PAFAH2: variants seen among roughly 807,000 people sequenced by gnomAD.
PAFAH2 encodes platelet activating factor acetylhydrolase 2.
PAFAH2 carries 42 observed loss-of-function variants against 49.0 expected under a neutral mutation model. That is an observed-to-expected ratio of 0.86 (90% CI 0.67 to 1.11). The LOEUF is 1.11. PAFAH2 is among the 50% of genes least tolerant of loss of function. The probability of loss-of-function intolerance (pLI) is 0.00; values close to 1 mark genes in which losing one functional copy is unlikely to be tolerated. For synonymous variants in PAFAH2, 184 were observed against 181.3 expected, an observed-to-expected ratio of 1.01 and a Z score of -0.12; for missense variants, 503 against 501.8, an observed-to-expected ratio of 1.00 and a Z score of -0.02.
In PAFAH2 at chr1:25,987,873, G is replaced by A. The variant is rs369985505; in HGVS notation, c.341+358C>T. Among the ~76,000 whole-genome samples, 7 of 152,138 alleles carry A rather than the reference G, an allele frequency of 4.6e-5. No homozygotes were observed. In the East Asian group the frequency reaches 1.3e-3, roughly 29 times the overall value. ...AGCCTGGGCAACAGAATGAGACCCT[G>A]TCTGAAAAAAATAAAAATAAAATAG... On this transcript the variant is annotated intron_variant, in intron 4 of 10. Transcript: ENST00000374282.
intron 1 of PAFAH2, 46 bp from the exon 2 acceptor site, chr1:25,990,909 C>G: frequency 1.0e-6 from 1 of 962,916 alleles, no homozygotes; most frequent in Non-Finnish European, 1.6e-6. Flanking sequence ...GGTTTCCTCT[C>G]GGCTTCCTGT....
chr1:25,974,652 T>C lies in PAFAH2; in HGVS notation c.759-2A>G. ...CAAGCATCCAGAGCCACCGCACACC[T>C]GGAATAGGACCAGACATTTGGAATT... On this transcript the variant is annotated splice_acceptor_variant, in intron 8 of 10. Coordinates refer to ENST00000374282, the MANE Select transcript of PAFAH2 (RefSeq NM_000437.4). LOFTEE classifies it high-confidence loss of function. 1 of 1,611,524 alleles carries C rather than the reference T, an allele frequency of 6.2e-7. No individual in the cohort carries two copies. The highest frequency in any genetic ancestry group is 1.1e-5 in the South Asian group (1 of 90,754).
intron 1 of PAFAH2, among the ~76,000 whole-genome samples, chr1:25,995,061 A>C (rs998865887): frequency 2.6e-5 from 4 of 152,190 alleles, no homozygotes; most frequent in African/African-American, 9.6e-5. Flanking sequence ...AAAGTCATGG[A>C]ATTTTCCAAG....
In PAFAH2 at chr1:25,984,454, C is replaced by T; in HGVS notation, c.410+6G>A. ...GGCACCCAATCCATGGCGGCTCATC[C>T]CTCACCTGTGCTCTGGCACAGCAAC... On this transcript the variant is annotated splice_donor_region_variant and intron_variant, in intron 5 of 10. Transcript: ENST00000374282. 6.2e-7 allele frequency: 1 copy of T among 1,611,772 alleles called. No individual in the cohort carries two copies. Among genetic ancestry groups the T allele is most frequent in the South Asian group, 1.1e-5 (1 of 90,880 alleles).
intron 2 of PAFAH2, 36 bp from the exon 3 acceptor site, chr1:25,989,637 G>A: frequency 6.9e-7 from 1 of 1,441,152 alleles, no homozygotes; most frequent in Non-Finnish European, 9.2e-7. Context: ...TCAGAGCAAG[G>A]AGCCCAGGCT....
At chr1:25,972,961 G>C (rs1436868801) in intron 9 of PAFAH2, among the ~76,000 whole-genome samples, 4 of 152,214 alleles carry the variant, frequency 2.6e-5, no homozygotes, top group African/African-American at 9.7e-5. Context: ...TTCAAAGCTG[G>C]CTTGACCCGT....
Position 25,961,866 on chromosome 1 carries a change from T to C in PAFAH2, c.*123A>G. On this transcript the variant is annotated 3_prime_UTR_variant, in exon 11 of 11. Transcript: ENST00000374282. ...CCAGTTATCCAAGCAGCAGTGTGAT[T>C]ACACCTTTCAATCTGTGAAAAGGGG... is the stretch of plus-strand genomic sequence containing the variant. 1 of 657,006 alleles carries C rather than the reference T, an allele frequency of 1.5e-6. No homozygotes were observed. Among genetic ancestry groups the C allele is most frequent in the East Asian group, 2.6e-5 (1 of 38,134 alleles). The allele number at this position is 657,006 out of a possible 1,614,324, so 40.7% of individuals were successfully genotyped here.
chr1:25,966,535 G>T (rs1028487645), intron 10 of PAFAH2, among the ~76,000 whole-genome samples: 10 of 152,240 alleles, frequency 6.6e-5, no homozygotes, highest in African/African-American at 2.4e-4. Context: ...ATGCTGTACC[G>T]AATGCTGTCA....
rs778716854 is a variant in PAFAH2, at chr1:25,972,590, C to T, written c.1052G>A (p.Arg351Gln). 17 of 1,613,826 alleles carry T rather than the reference C, an allele frequency of 1.1e-5. No individual in the cohort carries two copies. The highest frequency in any genetic ancestry group is 8.8e-5 in the South Asian group (8 of 91,080). Reference sequence around the variant, plus strand: ...CTTCTGCAGGAAGGCCAACATGGCCCGTACCATAACCTCCTGCCCTTCATA... The same window carrying T: ...CTTCTGCAGGAAGGCCAACATGGCCTGTACCATAACCTCCTGCCCTTCATA... ...DPYEGQEVMVRAMLAFLQKHL... is the reference protein window; with the variant it reads ...DPYEGQEVMVQAMLAFLQKHL... The change falls in exon 10 of 11, where the codon CGG becomes CAG. Residue 351 changes from arginine (R) to glutamine (Q), a missense_variant. Arg to Gln is a conservative substitution (Grantham distance 43). Transcript: ENST00000374282.
chr1:25,985,780 T>TC (rs1169448540), intron 4 of PAFAH2, among the ~76,000 whole-genome samples: 1 of 152,230 alleles, frequency 6.6e-6, no homozygotes, highest in African/African-American at 2.4e-5. Flanking sequence ...CCATATTTAC[T>TC]CTCCACTTCC....
intron 6 of PAFAH2, 85 bp from the exon 7 acceptor site, chr1:25,982,562 A>G (rs2049707643): frequency 2.9e-6 from 3 of 1,051,556 alleles, no homozygotes; most frequent in Non-Finnish European, 4.3e-6. Flanking sequence ...CCAAGGAAGA[A>G]TGCACAGATA....
chr1:25,996,128 G>T (rs758236363), intron 1 of PAFAH2, among the ~76,000 whole-genome samples: 1 of 152,090 alleles, frequency 6.6e-6, no homozygotes, highest in Non-Finnish European at 1.5e-5. Context: ...GATCAAATGG[G>T]AAGGATTGCT....
chr1:25,989,360 G>A, intron 3 of PAFAH2, 88 bp downstream of exon 3: 2 of 1,275,888 alleles, frequency 1.6e-6, no homozygotes, highest in Middle Eastern at 3.0e-4. Context: ...GGACACTGCA[G>A]GCTATAAGGT....
chr1:25,988,695 C>T (rs554459552), intron 3 of PAFAH2, among the ~76,000 whole-genome samples: 47 of 149,094 alleles, frequency 3.2e-4, no homozygotes, highest in African/African-American at 1.1e-3. Flanking sequence ...CCCAGCTACT[C>T]AGGAGGCTGA....
At chr1:25,963,005 G>T (rs1172451088) in intron 10 of PAFAH2, among the ~76,000 whole-genome samples, 1 of 152,090 alleles carries the variant, frequency 6.6e-6, no homozygotes, top group Non-Finnish European at 1.5e-5. Flanking sequence ...GACTCAAGAA[G>T]GGGCCCTGAG....
chr1:25,992,297 G>C (rs944702295), intron 1 of PAFAH2, among the ~76,000 whole-genome samples: 3 of 152,138 alleles, frequency 2.0e-5, no homozygotes, highest in African/African-American at 7.2e-5. Context: ...TGAGAGGCAG[G>C]GGAGGAGGAA....
At chr1:25,984,639 C>T in intron 4 of PAFAH2, 111 bp from the exon 5 acceptor site, 1 of 772,858 alleles carries the variant, frequency 1.3e-6, no homozygotes, top group Non-Finnish European at 2.3e-6. Flanking sequence ...CCACATCAAC[C>T]TTAACTGTCT....
At position 25,985,439 on chromosome 1, in the gene PAFAH2, C is replaced by T. The variant is rs150018669; in HGVS notation, c.342-911G>A. ...ATGAGAGGAAACAATGTTCCTTATC[C>T]TCCCTTCCTTTTCCCTTGGAATTTC... On this transcript the variant is annotated intron_variant, in intron 4 of 10. Transcript: ENST00000374282. 3.3e-5 allele frequency among the ~76,000 whole-genome samples: 5 copies of T among 152,312 alleles called. No individual in the cohort carries two copies. The East Asian group carries it at 7.7e-4, about 23-fold the overall frequency.
chr1:25,983,744 G>C (rs1008461243), intron 6 of PAFAH2, among the ~76,000 whole-genome samples: 2 of 151,722 alleles, frequency 1.3e-5, no homozygotes, highest in Non-Finnish European at 2.9e-5. Context: ...TCCCTTTTTT[G>C]CCTAGGTAAG....
Sources: allele counts gnomAD v4.1 joint callset (sites outside exome capture counted in the v4.1 genomes callset), GRCh38; gene constraint gnomAD v4.1.1; transcripts MANE v1.5; gene names NCBI Gene and HGNC (gene_info 2026-07-23, HGNC 2026-07-21).